ARID1A: variants seen among roughly 807,000 people sequenced by gnomAD.
The protein encoded by ARID1A is AT-rich interaction domain 1A, also known as AT-rich interactive domain-containing protein 1A.
A neutral mutation model predicts 212.6 loss-of-function variants in ARID1A; 20 were observed. The ratio of observed to expected loss-of-function variants is 0.09; its 90% CI spans 0.07 to 0.14. The LOEUF is 0.14. Among genes scored for constraint, ARID1A ranks in the 10% least tolerant of loss-of-function variants. The pLI, the probability that ARID1A is intolerant of heterozygous loss-of-function variation, is 1.00. For missense variants in ARID1A, 2,587 were observed against 3,059.0 expected (o/e 0.85, Z 3.64); for synonymous variants, 1,376 against 1,222.1 (o/e 1.13, Z -2.63).
At chr1:26,761,516 A>T in intron 6 of ARID1A, 43 bp downstream of exon 6, 1 of 1,580,844 alleles carries the variant, frequency 6.3e-7, no homozygotes, top group Non-Finnish European at 8.7e-7. Flanking sequence ...GCTAGGGCAG[A>T]CATTTGAGTG....
At chr1:26,743,321 A>G (rs1036908529) in intron 4 of ARID1A, among the ~76,000 whole-genome samples, 10 of 152,106 alleles carry the variant, frequency 6.6e-5, no homozygotes, top group African/African-American at 2.2e-4. Flanking sequence ...ACTCTCTCTG[A>G]GACTTCTTCC....
chr1:26,728,908 G>A (rs2080645816), intron 1 of ARID1A: 1 of 152,060 alleles, frequency 6.6e-6, no homozygotes, highest in Non-Finnish European at 1.5e-5. Flanking sequence ...TCAAATACCT[G>A]TGAATTGAAT....
intron 4 of ARID1A, among the ~76,000 whole-genome samples, chr1:26,737,806 G>A (rs995469868): frequency 2.6e-5 from 4 of 151,298 alleles, no homozygotes; most frequent in Non-Finnish European, 4.4e-5. Context: ...CAGAGGTTGC[G>A]GTGAGCCAAG....
chr1:26,772,352 T>C, intron 12 of ARID1A, 148 bp from the exon 13 acceptor site: 1 of 1,180,660 alleles, frequency 8.5e-7, no homozygotes, highest in Non-Finnish European at 1.2e-6. Flanking sequence ...TGACCTGGCC[T>C]TGTAGATCCT....
intron 1 of ARID1A, among the ~76,000 whole-genome samples, chr1:26,711,686 CCCTG>C (rs767939792): frequency 3.9e-5 from 6 of 152,136 alleles, no homozygotes; most frequent in Non-Finnish European, 7.3e-5. Flanking sequence ...CTTGGGGGCT[CCCTG>C]CCTTCCATTT....
chr1:26,707,028 C>G (rs1470964696), intron 1 of ARID1A, among the ~76,000 whole-genome samples: 1 of 151,212 alleles, frequency 6.6e-6, no homozygotes, highest in South Asian at 2.1e-4. Context: ...TCACCAGGAT[C>G]CTGACTTTTT....
rs1397021573 is a variant in ARID1A, at chr1:26,775,849, C to T, written c.5124+142C>T. 4.0e-6 allele frequency: 5 copies of T among 1,262,596 alleles called. No homozygotes were observed. The Admixed American group carries it at 9.7e-5, about 24-fold the overall frequency. 78.2% of individuals were successfully genotyped at this position (1,262,596 alleles called of 1,614,324 possible). On this transcript the variant is annotated intron_variant, in intron 19 of 19. Coordinates refer to ENST00000324856, the MANE Select transcript of ARID1A (RefSeq NM_006015.6). Reference sequence around the variant, plus strand: ...CCATGCCAGTACTTTGCTTCCTTTGCCTCTGGGCACGGGCCCAGGATTTTG... The same window carrying T: ...CCATGCCAGTACTTTGCTTCCTTTGTCTCTGGGCACGGGCCCAGGATTTTG...
chr1:26,780,165 A>C lies in ARID1A; in HGVS notation c.6267A>C (p.Leu2089=), dbSNP rs757005517. ...SICLPVLDGL[L]HWAVCPSAEA... ...GCCTGCCTGTCCTGGACGGACTCCT[A>C]CACTGGGCAGTTTGCCCTTCAGCTG... Residue 2089 remains leucine (L), a synonymous_variant, in exon 20 of 20, where the codon CTA becomes CTC. Transcript: ENST00000324856. This position sits in a 1 kb window ranked among gnomAD's most constrained non-coding sequence, Gnocchi z 7.2. 8 of 1,613,982 alleles carry C rather than the reference A, an allele frequency of 5.0e-6. No homozygotes were observed. The highest frequency in any genetic ancestry group is 3.3e-4 in the Middle Eastern group (2 of 6,084).
chr1:26,766,383 C>G lies in ARID1A; in HGVS notation c.2878+17C>G. 6.2e-7 allele frequency: 1 copy of G among 1,614,032 alleles called. No homozygotes were observed. The highest frequency in any genetic ancestry group is 8.5e-7 in the Non-Finnish European group (1 of 1,179,982). On this transcript the variant is annotated intron_variant, in intron 9 of 19. Coordinates refer to ENST00000324856, the MANE Select transcript of ARID1A (RefSeq NM_006015.6). ...ATTCTGCAGGTAAGTGCTAGTCATT[C>G]TCACTAGGGATTTCTTCAAGAGTCA...
At chr1:26,742,144 C>G (rs551010468) in intron 4 of ARID1A, among the ~76,000 whole-genome samples, 1 of 152,346 alleles carries the variant, frequency 6.6e-6, no homozygotes, top group Non-Finnish European at 1.5e-5. Flanking sequence ...ATCTGATCCT[C>G]TCTTCATTTT....
In ARID1A at chr1:26,761,045, G is replaced by A. The variant is rs760364683; in HGVS notation, c.2110G>A (p.Ala704Thr). 40 of 1,613,868 alleles carry A rather than the reference G, an allele frequency of 2.5e-5. No homozygotes were observed. The highest frequency in any genetic ancestry group is 3.0e-5 in the Non-Finnish European group (35 of 1,180,014). ...TTCCCCGTCCCCTGTTGGCTCTCCCGCCAGTGTTGCTCAGTCTCGCTCAGG... is the reference window on the plus strand; with the variant it reads ...TTCCCCGTCCCCTGTTGGCTCTCCCACCAGTGTTGCTCAGTCTCGCTCAGG... Reference protein sequence around the residue: ...GPSPSPVGSPASVAQSRSGPL... With the variant: ...GPSPSPVGSPTSVAQSRSGPL... The change falls in exon 5 of 20, where the codon GCC becomes ACC. Residue 704 changes from alanine to threonine, a missense_variant. This residue lies in a region of ARID1A where 674 missense variants were observed against 813.4 expected (regional missense o/e 0.83). Transcript: ENST00000324856.
rs957116387 is a variant in ARID1A, at chr1:26,740,005, GA to G, written c.1920+7223del. Among the ~76,000 whole-genome samples, 293 of 139,540 alleles carry G rather than the reference GA, an allele frequency of 2.1e-3. 1 individual carries two copies. Among genetic ancestry groups the G allele is most frequent in the Non-Finnish European group, 3.3e-3 (212 of 63,614 alleles). The allele number at this position is 139,540 out of a possible 152,430, so 91.5% of individuals were successfully genotyped here. A position where few individuals can be genotyped will look rare whatever the true frequency, so the allele number is the denominator to read the frequency against. ...TGATCATCTTAAAAAAAAAAAAAAAGAAAAAAAAAACCTGGCCAAGTTATGT... is the reference window on the plus strand; with the variant it reads ...TGATCATCTTAAAAAAAAAAAAAAAGAAAAAAAAACCTGGCCAAGTTATGT... On this transcript the variant is annotated intron_variant, in intron 4 of 19. Transcript: ENST00000324856.
intron 4 of ARID1A, among the ~76,000 whole-genome samples, chr1:26,736,062 C>T (rs1570580126): frequency 6.6e-6 from 1 of 152,110 alleles, no homozygotes; most frequent in Non-Finnish European, 1.5e-5. Flanking sequence ...TGGTGGCTCA[C>T]GCCTGTAATC....
At chr1:26,770,940 G>A in intron 11 of ARID1A, 179 bp from the exon 12 acceptor site, 2 of 613,164 alleles carry the variant, frequency 3.3e-6, no homozygotes, top group East Asian at 5.5e-5. Context: ...GTAAAATGAA[G>A]CCAGCTGCAG....
chr1:26,756,124 C>T (rs2080933975), intron 4 of ARID1A, among the ~76,000 whole-genome samples: 1 of 151,902 alleles, frequency 6.6e-6, no homozygotes. Context: ...CAAAGATACA[C>T]ACCAAGGCCA....
At chr1:26,723,219 C>T (rs2080581880) in intron 1 of ARID1A, among the ~76,000 whole-genome samples, 1 of 152,082 alleles carries the variant, frequency 6.6e-6, no homozygotes, top group Non-Finnish European at 1.5e-5. Context: ...CCTAGTCTGT[C>T]CTAAGATATT....
rs571623419 is a variant in ARID1A at position 26,724,703 on chromosome 1, A to G, written c.1138-4948A>G. ...GGTCATTTTGGTTTTCCTTGATGCA[A>G]TAAGAAGTTGTAAGAGGTTCCAGTA... On this transcript the variant is annotated intron_variant, in intron 1 of 19. Transcript: ENST00000324856. Among the ~76,000 whole-genome samples, 8 of 152,286 alleles carry G rather than the reference A, an allele frequency of 5.3e-5. No individual in the cohort carries two copies. The South Asian group carries it at 1.2e-3, about 24-fold the overall frequency.
rs1233534603 is a variant in ARID1A at position 26,731,303 on chromosome 1, A to G, written c.1502A>G (p.Gln501Arg). The G allele has an allele frequency of 3.1e-6, 5 of 1,613,514 alleles. No individual in the cohort carries two copies. Among genetic ancestry groups the G allele is most frequent in the Non-Finnish European group, 4.2e-6 (5 of 1,179,902 alleles). Residue 501 changes from glutamine to arginine, a missense_variant, in exon 3 of 20, where the codon CAG becomes CGG. By Grantham distance (43) the Gln-to-Arg change is conservative. Transcript: ENST00000324856. ...ACCCCTCATGCCCAACCTTCGTATCAGCAGCAGCCACAGTCTCAACCACCA... is the reference window on the plus strand; with the variant it reads ...ACCCCTCATGCCCAACCTTCGTATCGGCAGCAGCCACAGTCTCAACCACCA... The part of the protein sequence containing the change: ...SQTPHAQPSY[Q>R]QQPQSQPPQL...
chr1:26,772,518 A>AGGG lies in ARID1A; in HGVS notation c.3427_3429dup (p.Gly1143dup). ...TCCACAGCGGGATCAGGATCTATGC[A>AGGG]GGGGCCCCAGACTCCCCAGTCAACC... On this transcript the variant is annotated inframe_insertion, in exon 13 of 20. Coordinates refer to ENST00000324856, the MANE Select transcript of ARID1A (RefSeq NM_006015.6). 2 of 1,614,198 alleles carry AGGG rather than the reference A, an allele frequency of 1.2e-6. No individual in the cohort carries two copies. Among genetic ancestry groups the AGGG allele is most frequent in the Non-Finnish European group, 1.7e-6 (2 of 1,180,036 alleles).
Sources: allele counts gnomAD v4.1 joint callset (sites outside exome capture counted in the v4.1 genomes callset), GRCh38; gene constraint gnomAD v4.1.1; regional missense constraint gnomAD v4.1.1; non-coding constraint Gnocchi (gnomAD v3.1); transcripts MANE v1.5; gene names NCBI Gene and HGNC (gene_info 2026-07-23, HGNC 2026-07-21).